HCN1: variants seen among roughly 807,000 people sequenced by gnomAD.
The protein encoded by HCN1 is hyperpolarization activated cyclic nucleotide gated potassium channel 1, also known as potassium/sodium hyperpolarization-activated cyclic nucleotide-gated channel 1.
In HCN1, 13 loss-of-function variants were observed where a neutral mutation model predicts 78.9. That is an observed-to-expected ratio of 0.16 (90% CI 0.11 to 0.26). The LOEUF is 0.26. Ranked by LOEUF, HCN1 falls within the 10% of genes least tolerant of loss-of-function variation. The probability of loss-of-function intolerance (pLI) is 1.00; values close to 1 mark genes in which losing one functional copy is unlikely to be tolerated. For synonymous variants in HCN1, 552 were observed against 455.5 expected (o/e 1.21, Z -2.70); for missense variants, 810 against 1,154.3 (o/e 0.70, Z 4.32).
At chr5:45,667,066 TGATCAGTATAGTAAGAGGAA>T (rs1746064581) in intron 1 of HCN1, among the ~76,000 whole-genome samples, 1 of 151,966 alleles carries the variant, frequency 6.6e-6, no homozygotes, top group Non-Finnish European at 1.5e-5. Context: ...GAACTTAGTT[TGATCAGTATAGTAAGAGGAA>T]GAGGAAGAGC....
At chr5:45,309,700 T>C (rs1745812908) in intron 5 of HCN1, among the ~76,000 whole-genome samples, 1 of 152,196 alleles carries the variant, frequency 6.6e-6, no homozygotes, top group African/African-American at 2.4e-5. Context: ...CGACCTTACA[T>C]CCAGGGGATG....
At chr5:45,480,867 A>G (rs1198236885) in intron 2 of HCN1, among the ~76,000 whole-genome samples, 1 of 152,240 alleles carries the variant, frequency 6.6e-6, no homozygotes, top group Admixed American at 6.5e-5. Flanking sequence ...ATACAATTAG[A>G]AAGTGTGTAA....
intron 2 of HCN1, 118 bp from the exon 3 acceptor site, chr5:45,462,125 G>T: frequency 2.6e-6 from 2 of 763,668 alleles, no homozygotes; most frequent in Non-Finnish European, 4.4e-6. Flanking sequence ...AAAAATATGG[G>T]AATAACTTGC....
intron 2 of HCN1, among the ~76,000 whole-genome samples, chr5:45,532,364 C>G (rs1455507937): frequency 6.6e-6 from 1 of 152,204 alleles, no homozygotes; most frequent in Non-Finnish European, 1.5e-5. Flanking sequence ...ATTGATCATT[C>G]TAGCAGCCTT....
intron 2 of HCN1, among the ~76,000 whole-genome samples, chr5:45,586,588 G>A (rs1161859479): frequency 1.3e-5 from 2 of 152,116 alleles, no homozygotes; most frequent in Non-Finnish European, 2.9e-5. Context: ...AGTTGGAAAT[G>A]CAGAAATCAC....
intron 3 of HCN1, among the ~76,000 whole-genome samples, chr5:45,408,324 G>A (rs956043306): frequency 5.9e-5 from 9 of 152,000 alleles, no homozygotes; most frequent in African/African-American, 2.2e-4. Flanking sequence ...CTCTATTCAC[G>A]ATGTACCATC....
chr5:45,443,584 G>A (rs1191530178), intron 3 of HCN1, among the ~76,000 whole-genome samples: 1 of 151,994 alleles, frequency 6.6e-6, no homozygotes, highest in African/African-American at 2.4e-5. Flanking sequence ...GAAAGTGTAG[G>A]CTTAATTTTC....
chr5:45,575,519 T>A (rs963025892), intron 2 of HCN1: 1 of 152,028 alleles, frequency 6.6e-6, no homozygotes, highest in African/African-American at 2.4e-5. Context: ...GGCACATGTA[T>A]GCATATGTAA....
intron 6 of HCN1, among the ~76,000 whole-genome samples, chr5:45,293,993 A>G (rs1250580930): frequency 6.6e-6 from 1 of 152,048 alleles, no homozygotes; most frequent in Non-Finnish European, 1.5e-5. Context: ...AAGGAGATTA[A>G]TCGTTCTTTC....
At chr5:45,649,048 A>G (rs1465942147) in intron 1 of HCN1, among the ~76,000 whole-genome samples, 1 of 151,942 alleles carries the variant, frequency 6.6e-6, no homozygotes, top group East Asian at 1.9e-4. Context: ...CCCATATCTC[A>G]GGCAAGAGGG....
At chr5:45,449,714 T>G (rs538309984) in intron 3 of HCN1, among the ~76,000 whole-genome samples, 1 of 152,334 alleles carries the variant, frequency 6.6e-6, no homozygotes, top group Non-Finnish European at 1.5e-5. Context: ...GGTCAATTTC[T>G]TTCTTAAAAA....
intron 1 of HCN1, among the ~76,000 whole-genome samples, chr5:45,677,871 A>T (rs1307623778): frequency 6.6e-6 from 1 of 151,866 alleles, no homozygotes; most frequent in African/African-American, 2.4e-5. Context: ...AATTTACTCA[A>T]GTTAGGAGGA....
intron 2 of HCN1, among the ~76,000 whole-genome samples, chr5:45,572,148 G>A (rs1199548568): frequency 6.6e-6 from 1 of 152,024 alleles, no homozygotes; most frequent in Non-Finnish European, 1.5e-5. Context: ...CTCCACTGTG[G>A]AAATTGCTTT....
chr5:45,590,906 A>C (rs1292479910), intron 2 of HCN1, among the ~76,000 whole-genome samples: 1 of 152,064 alleles, frequency 6.6e-6, no homozygotes, highest in Non-Finnish European at 1.5e-5. Flanking sequence ...ATCATAGCTC[A>C]CTGCAGCCCC....
At chr5:45,315,667 C>A (rs574318584) in intron 5 of HCN1, among the ~76,000 whole-genome samples, 11 of 151,658 alleles carry the variant, frequency 7.3e-5, no homozygotes, top group Non-Finnish European at 1.5e-4. Flanking sequence ...AGAGCACTAG[C>A]AAGACTGATA....
chr5:45,334,576 T>C (rs1449781643), intron 5 of HCN1, among the ~76,000 whole-genome samples: 1 of 151,982 alleles, frequency 6.6e-6, no homozygotes, highest in African/African-American at 2.4e-5. Context: ...ATATAGTAAG[T>C]ACTTCCTTTG....
In HCN1 at chr5:45,603,924, G is replaced by T. The variant is rs555285634; in HGVS notation, c.849+41261C>A. Among the ~76,000 whole-genome samples, 26 of 152,008 alleles carry T rather than the reference G, an allele frequency of 1.7e-4. No individual in the cohort carries two copies. The East Asian group carries it at 5.0e-3, about 29-fold the overall frequency. The stretch of plus-strand genomic sequence containing the variant: ...AAATACGGTGTTTATTATTGAATAG[G>T]TTTATTTCCATTTTCAAAAATAGCT... On this transcript the variant is annotated intron_variant, in intron 2 of 7. Coordinates refer to ENST00000303230, the MANE Select transcript of HCN1 (RefSeq NM_021072.4).
intron 2 of HCN1, among the ~76,000 whole-genome samples, chr5:45,498,383 CCTGAGGCTT>C (rs1297623705): frequency 6.6e-6 from 1 of 152,142 alleles, no homozygotes; most frequent in Non-Finnish European, 1.5e-5. Context: ...CGCATTGGCT[CCTGAGGCTT>C]CTGCATTCTT....
intron 2 of HCN1, among the ~76,000 whole-genome samples, chr5:45,606,953 G>A (rs1242119195): frequency 6.6e-6 from 1 of 151,716 alleles, no homozygotes; most frequent in Non-Finnish European, 1.5e-5. Context: ...AAAAATATGA[G>A]AAATTAATAA....
Sources: gnomAD v4.1 joint callset for allele counts (sites outside exome capture counted in the v4.1 genomes callset) on GRCh38, gnomAD v4.1.1 for gene constraint, MANE v1.5 for transcripts, NCBI Gene and HGNC (gene_info 2026-07-23, HGNC 2026-07-21) for gene names.